The following ZFHX4 variants were observed in gnomAD, a reference collection of about 807,000 sequenced individuals.
The protein encoded by ZFHX4 is zinc finger homeobox 4.
A neutral mutation model predicts 267.6 loss-of-function variants in ZFHX4; 56 were observed. That is an observed-to-expected ratio of 0.21 (90% CI 0.17 to 0.26). ZFHX4 has a LOEUF of 0.26. ZFHX4 is among the 10% of genes least tolerant of loss of function. ZFHX4 has a pLI of 1.00. For missense variants in ZFHX4, 4,332 were observed against 4,420.0 expected, an observed-to-expected ratio of 0.98 and a Z score of 0.56; for synonymous variants, 1,778 against 1,665.6, an observed-to-expected ratio of 1.07 and a Z score of -1.64.
In ZFHX4 at chr8:76,855,650, C is replaced by G; in HGVS notation, c.8729C>G (p.Pro2910Arg). The part of the protein sequence containing the change: ...ETSSIADPSS[P>R]NPFGSSNPFK... ...TCCAGCATAGCGGACCCGAGCTCCC[C>G]AAATCCATTCGGATCCAGCAATCCC... Residue 2910 changes from proline to arginine, a missense_variant, in exon 10 of 11, where the codon CCA (proline) becomes CGA (arginine). By Grantham distance (103) the Pro-to-Arg change is moderately radical. This residue lies in a region of ZFHX4 where 1,648 missense variants were observed against 1,625.0 expected (regional missense o/e 1.01). Coordinates refer to ENST00000651372, the MANE Select transcript of ZFHX4 (RefSeq NM_024721.5). The G allele has an allele frequency of 6.2e-7, 1 of 1,613,912 alleles. No homozygotes were observed. Among genetic ancestry groups the G allele is most frequent in the Non-Finnish European group, 8.5e-7 (1 of 1,179,846 alleles).
In ZFHX4 at chr8:76,851,416, G is replaced by C; in HGVS notation, c.4495G>C (p.Ala1499Pro). 6.2e-7 allele frequency: 1 copy of C among 1,613,922 alleles called. No homozygotes were observed. Among genetic ancestry groups the C allele is most frequent in the Non-Finnish European group, 8.5e-7 (1 of 1,179,868 alleles). ...GTATGAGGTGGACCACGAAGGGAAA[G>C]CAAGTCCTGTAGGAAGTGATAGTAG... ...REYEVDHEGK[A>P]SPVGSDSSSI... The change falls in exon 10 of 11, where the codon GCA becomes CCA. Residue 1499 changes from alanine (A) to proline (P), a missense_variant. By Grantham distance (27) the Ala-to-Pro change is conservative. Around this residue, in one of 7 missense-constraint regions of ZFHX4, gnomAD observed 1,371 missense variants for 1,423.1 expected, o/e 0.96. Coordinates refer to ENST00000651372, the MANE Select transcript of ZFHX4 (RefSeq NM_024721.5).
chr8:76,815,030 A>G (rs1382059506), intron 4 of ZFHX4, among the ~76,000 whole-genome samples: 1 of 152,194 alleles, frequency 6.6e-6, no homozygotes, highest in African/African-American at 2.4e-5. Context: ...AGGAAAGGGG[A>G]AAAGAGTTAA....
chr8:76,816,150 T>C (rs894769446), intron 4 of ZFHX4, among the ~76,000 whole-genome samples: 2 of 152,216 alleles, frequency 1.3e-5, no homozygotes, highest in East Asian at 3.9e-4. Context: ...AGCTAATTCA[T>C]GGTGCAACCC....
At chr8:76,799,789 C>T (rs560056031) in intron 4 of ZFHX4, among the ~76,000 whole-genome samples, 2 of 152,192 alleles carry the variant, frequency 1.3e-5, no homozygotes, top group Admixed American at 6.5e-5. Flanking sequence ...AATGCTTCCT[C>T]GTCACGATGT....
chr8:76,846,279 C>T (rs1812361793), intron 6 of ZFHX4, among the ~76,000 whole-genome samples: 1 of 152,038 alleles, frequency 6.6e-6, no homozygotes, highest in Admixed American at 6.6e-5. Flanking sequence ...CATGTTACCA[C>T]ATCTCAATAT....
At chr8:76,747,674 G>C (rs538024581) in intron 3 of ZFHX4, among the ~76,000 whole-genome samples, 1 of 152,178 alleles carries the variant, frequency 6.6e-6, no homozygotes, top group Non-Finnish European at 1.5e-5. Context: ...GCTCACGCCT[G>C]TAATCCCAGC....
intron 4 of ZFHX4, among the ~76,000 whole-genome samples, chr8:76,803,840 A>T (rs1256979882): frequency 6.6e-6 from 1 of 152,158 alleles, no homozygotes; most frequent in Non-Finnish European, 1.5e-5. Flanking sequence ...CAATAAAAAG[A>T]TAGTAAGTAT....
chr8:76,819,219 T>C (rs935394526), intron 4 of ZFHX4, among the ~76,000 whole-genome samples: 10 of 151,918 alleles, frequency 6.6e-5, no homozygotes, highest in African/African-American at 2.4e-4. Context: ...TTGGTAGTTT[T>C]AATAAAACAG....
chr8:76,855,691 A>T lies in ZFHX4; in HGVS notation c.8770A>T (p.Asn2924Tyr). The change falls in exon 10 of 11, where the codon AAT (asparagine) becomes TAT (tyrosine). Residue 2924 changes from asparagine (N) to tyrosine (Y), a missense_variant. This residue lies in a region of ZFHX4 where 1,648 missense variants were observed against 1,625.0 expected (regional missense o/e 1.01). Transcript: ENST00000651372. ...GSSNPFKSKS[N>Y]DRPGHKRFRT... ...CAGCAATCCCTTTAAATCCAAAAGT[A>T]ATGATCGGCCGGGTCACAAGCGTTT... 2 of 1,613,902 alleles carry T rather than the reference A, an allele frequency of 1.2e-6. No individual in the cohort carries two copies. The highest frequency in any genetic ancestry group is 1.1e-5 in the South Asian group (1 of 91,074).
chr8:76,737,053 A>G lies in ZFHX4; in HGVS notation c.3093+29005A>G, dbSNP rs570449959. On this transcript the variant is annotated intron_variant, in intron 3 of 10. Transcript: ENST00000651372. Reference sequence around the variant, plus strand: ...CACAGTTGCTTTCATGATCAAAATCATTCTTAGAATTTAAACACTTGTTTA... The same window carrying G: ...CACAGTTGCTTTCATGATCAAAATCGTTCTTAGAATTTAAACACTTGTTTA... 2.2e-4 allele frequency among the ~76,000 whole-genome samples: 33 copies of G among 152,276 alleles called. 1 individual carries two copies. The highest frequency in any genetic ancestry group is 3.4e-4 in the Non-Finnish European group (23 of 68,002).
chr8:76,744,560 G>A (rs1809406844), intron 3 of ZFHX4, among the ~76,000 whole-genome samples: 1 of 151,914 alleles, frequency 6.6e-6, no homozygotes, highest in Non-Finnish European at 1.5e-5. Context: ...CTACAGGCAT[G>A]TGCCATTATG....
intron 4 of ZFHX4, among the ~76,000 whole-genome samples, chr8:76,831,686 C>G (rs1303098236): frequency 6.6e-6 from 1 of 152,108 alleles, no homozygotes; most frequent in African/African-American, 2.4e-5. Context: ...ATTAACACAT[C>G]ATGATAAGTG....
In ZFHX4 at chr8:76,864,494, G is replaced by A. The variant is rs776970394; in HGVS notation, c.10780G>A (p.Val3594Met). 5 of 1,613,522 alleles carry A rather than the reference G, an allele frequency of 3.1e-6. No individual in the cohort carries two copies. In the South Asian group the frequency reaches 4.4e-5, roughly 14 times the overall value. The change falls in exon 11 of 11, where the codon GTG (valine) becomes ATG (methionine). Residue 3594 changes from valine (V) to methionine (M), a missense_variant. By Grantham distance (21) the Val-to-Met change is conservative. Around this residue, in one of 7 missense-constraint regions of ZFHX4, gnomAD observed 1,648 missense variants for 1,625.0 expected, o/e 1.01. Coordinates refer to ENST00000651372, the MANE Select transcript of ZFHX4 (RefSeq NM_024721.5). ...KLEDLDNSLE[V>M]KAKPASGLDG... ...AGAAGACTTAGATAATTCTTTGGAA[G>A]TGAAGGCTAAGCCTGCTTCTGGCCT...
intron 3 of ZFHX4, among the ~76,000 whole-genome samples, chr8:76,741,565 C>A (rs1195622393): frequency 6.6e-6 from 1 of 151,992 alleles, no homozygotes; most frequent in African/African-American, 2.4e-5. Flanking sequence ...TTTGTGTGGG[C>A]CAAGACTCAG....
intron 3 of ZFHX4, among the ~76,000 whole-genome samples, chr8:76,732,396 A>G (rs1213151385): frequency 6.6e-6 from 1 of 152,086 alleles, no homozygotes; most frequent in East Asian, 1.9e-4. Context: ...AAAGGAGTAT[A>G]GTTGTTAAAT....
rs778328088 is a variant in ZFHX4, at chr8:76,705,668, C to T, written c.1580C>T (p.Ala527Val). 21 of 1,613,918 alleles carry T rather than the reference C, an allele frequency of 1.3e-5. No homozygotes were observed. Among genetic ancestry groups the T allele is most frequent in the Admixed American group, 1.7e-5 (1 of 60,022 alleles). Residue 527 changes from alanine (A) to valine (V), a missense_variant, in exon 2 of 11, where the codon GCG becomes GTG. Coordinates refer to ENST00000651372, the MANE Select transcript of ZFHX4 (RefSeq NM_024721.5). The stretch of plus-strand genomic sequence containing the variant: ...GAAAAGGGTACCTCGTCCTCCTCGG[C>T]GACTGTTTCTGATGACACAGAAAAG... ...FIEKGTSSSS[A>V]TVSDDTEKKK...
intron 4 of ZFHX4, among the ~76,000 whole-genome samples, chr8:76,785,808 C>T (rs558540334): frequency 9.3e-4 from 142 of 152,210 alleles, no homozygotes; most frequent in African/African-American, 3.2e-3. Context: ...TTCTCAATTA[C>T]GTAGATAGTT....
At chr8:76,844,665 T>C (rs1812320254) in intron 6 of ZFHX4, among the ~76,000 whole-genome samples, 1 of 152,136 alleles carries the variant, frequency 6.6e-6, no homozygotes, top group Non-Finnish European at 1.5e-5. Context: ...TTTGAGAGGA[T>C]ATAGACAATA....
At chr8:76,746,885 A>C (rs1809473311) in intron 3 of ZFHX4, among the ~76,000 whole-genome samples, 1 of 152,198 alleles carries the variant, frequency 6.6e-6, no homozygotes, top group Non-Finnish European at 1.5e-5. Context: ...ATTTTACTAC[A>C]TGGCCGCAAA....
Sources: allele counts gnomAD v4.1 joint callset (sites outside exome capture counted in the v4.1 genomes callset), GRCh38; gene constraint gnomAD v4.1.1; regional missense constraint gnomAD v4.1.1; transcripts MANE v1.5; gene names NCBI Gene and HGNC (gene_info 2026-07-23, HGNC 2026-07-21).